The following TET1 variants were observed in gnomAD, a reference collection of about 807,000 sequenced individuals.
TET1 encodes tet methylcytosine dioxygenase 1.
Under a neutral mutation model 148.7 loss-of-function variants are expected in TET1, and 13 were observed. The observed-to-expected ratio is 0.09, with a 90% CI of 0.06 to 0.14. TET1 has a LOEUF of 0.14. Among genes scored for constraint, TET1 ranks in the 10% least tolerant of loss-of-function variants. TET1 has a pLI of 1.00. For synonymous variants in TET1, 907 were observed against 937.2 expected, an observed-to-expected ratio of 0.97 and a Z score of 0.59; for missense variants, 2,182 against 2,553.8, an observed-to-expected ratio of 0.85 and a Z score of 3.14.
chr10:68,624,102 T>TTTA (rs1351491386), intron 3 of TET1, among the ~76,000 whole-genome samples: 1 of 151,702 alleles, frequency 6.6e-6, no homozygotes, highest in Non-Finnish European at 1.5e-5. Context: ...TTTCTTTCTT[T>TTTA]TCTTTTTTTT....
intron 2 of TET1, among the ~76,000 whole-genome samples, chr10:68,589,662 ATTTTTTTTT>A (rs57278279): frequency 0.058 from 6,389 of 109,860 alleles, 186 homozygotes; most frequent in South Asian, 0.1. Flanking sequence ...AATATCTCCA[ATTTTTTTTT>A]TTTTTTTTTT....
In TET1 at chr10:68,694,430, C is replaced by T; in HGVS notation, c.*2616C>T. On this transcript the variant is annotated 3_prime_UTR_variant, in exon 12 of 12. Transcript: ENST00000373644. Reference sequence around the variant, plus strand: ...TGCTGGCTACACTGCTTTTAGAATGCTCTTTCTCATGAAGCAAGGAAATAA... The same window carrying T: ...TGCTGGCTACACTGCTTTTAGAATGTTCTTTCTCATGAAGCAAGGAAATAA... 1 of 232,182 alleles carries T rather than the reference C, an allele frequency of 4.3e-6. No individual in the cohort carries two copies. 14.4% of individuals were successfully genotyped at this position (232,182 alleles called of 1,614,324 possible).
At chr10:68,641,160 T>C (rs2054747266) in intron 3 of TET1, among the ~76,000 whole-genome samples, 1 of 151,880 alleles carries the variant, frequency 6.6e-6, no homozygotes, top group East Asian at 1.9e-4. Flanking sequence ...AAACAATGTG[T>C]CTTTTGGCAA....
At chr10:68,600,446 C>T (rs2054039777) in intron 2 of TET1, among the ~76,000 whole-genome samples, 1 of 152,156 alleles carries the variant, frequency 6.6e-6, no homozygotes, top group African/African-American at 2.4e-5. Context: ...TGCCTGTGTC[C>T]TGTGGTGAGA....
At chr10:68,690,384 G>T (rs1386289488) in intron 11 of TET1, among the ~76,000 whole-genome samples, 1 of 152,132 alleles carries the variant, frequency 6.6e-6, no homozygotes, top group Non-Finnish European at 1.5e-5. Flanking sequence ...GAGGTGGGTG[G>T]ATCATGAGGT....
intron 3 of TET1, among the ~76,000 whole-genome samples, chr10:68,607,366 G>A (rs565354468): frequency 6.6e-6 from 1 of 151,780 alleles, no homozygotes; most frequent in Admixed American, 6.6e-5. Flanking sequence ...CAGATGAAAA[G>A]AGCCAACTAA....
chr10:68,677,438 C>A (rs1238121693), intron 8 of TET1, among the ~76,000 whole-genome samples: 1 of 152,146 alleles, frequency 6.6e-6, no homozygotes, highest in African/African-American at 2.4e-5. Context: ...TGGTTAAATT[C>A]CCAAAGTGCT....
chr10:68,562,121 G>T (rs1466427651), intron 1 of TET1, among the ~76,000 whole-genome samples: 2 of 152,208 alleles, frequency 1.3e-5, no homozygotes, highest in Non-Finnish European at 2.9e-5. Context: ...CTGGGCCGGC[G>T]GGGTGAGCCG....
At chr10:68,676,259 TATATATA>T (rs1481191117) in intron 8 of TET1, among the ~76,000 whole-genome samples, 8 of 14,510 alleles carry the variant, frequency 5.5e-4, no homozygotes, top group African/African-American at 1.9e-3. Flanking sequence ...TATATATATA[TATATATA>T]TATTTTTTTT....
At chr10:68,577,740 G>T (rs991797226) in intron 2 of TET1, among the ~76,000 whole-genome samples, 28 of 152,124 alleles carry the variant, frequency 1.8e-4, no homozygotes, top group Admixed American at 1.8e-3. Context: ...ACCTGGAGGG[G>T]GGCGTTGCAG....
At chr10:68,563,418 C>G (rs2053575190) in intron 1 of TET1, among the ~76,000 whole-genome samples, 1 of 152,200 alleles carries the variant, frequency 6.6e-6, no homozygotes, top group South Asian at 2.1e-4. Context: ...TTTTTCTCTG[C>G]CAAGTGCAAG....
At chr10:68,632,261 G>T in intron 3 of TET1, 1 of 872,922 alleles carries the variant, frequency 1.1e-6, no homozygotes, top group Non-Finnish European at 1.7e-6. Context: ...GGCGGAGCTT[G>T]CAGTGAGCCG....
intron 2 of TET1, among the ~76,000 whole-genome samples, chr10:68,589,179 G>A (rs2053892123): frequency 6.6e-6 from 1 of 151,902 alleles, no homozygotes; most frequent in Non-Finnish European, 1.5e-5. Flanking sequence ...TCTGAATCAT[G>A]GTCTGGTAAT....
At position 68,644,868 on chromosome 10, in the gene TET1, CAA is replaced by C. The variant is rs1407599722; in HGVS notation, c.2140_2141del (p.Lys714GlufsTer6). Reference sequence around the variant, plus strand: ...TCGAGGTGGAGAAGTGGACACAAAACAAGAAATCACAGTTAACTGATCACGTG... The same window carrying C: ...TCGAGGTGGAGAAGTGGACACAAAACGAAATCACAGTTAACTGATCACGTG... ...GIEVEKWTQN[K>X]KSQLTDHVKG... On this transcript the variant is annotated frameshift_variant, in exon 4 of 12. Transcript: ENST00000373644. LOFTEE classifies it high-confidence loss of function. 1 of 1,613,454 alleles carries C rather than the reference CAA, an allele frequency of 6.2e-7. No homozygotes were observed. Among genetic ancestry groups the C allele is most frequent in the Non-Finnish European group, 8.5e-7 (1 of 1,179,766 alleles).
chr10:68,588,815 C>G (rs1012226688), intron 2 of TET1, among the ~76,000 whole-genome samples: 6 of 137,118 alleles, frequency 4.4e-5, no homozygotes. Flanking sequence ...TTAGTGAGAC[C>G]CTGTCTCAAA....
At chr10:68,566,334 G>A (rs991319784) in intron 1 of TET1, among the ~76,000 whole-genome samples, 1 of 152,118 alleles carries the variant, frequency 6.6e-6, no homozygotes, top group Non-Finnish European at 1.5e-5. Flanking sequence ...TTTTTGTAAT[G>A]AAAATGCATC....
intron 1 of TET1, among the ~76,000 whole-genome samples, chr10:68,572,011 G>C (rs941691562): frequency 4.6e-5 from 7 of 152,120 alleles, no homozygotes; most frequent in South Asian, 2.1e-4. Context: ...TAGCTACTTG[G>C]GGGGCTGAAG....
chr10:68,580,502 G>A (rs1373822695), intron 2 of TET1, among the ~76,000 whole-genome samples: 2 of 149,710 alleles, frequency 1.3e-5, no homozygotes, highest in Non-Finnish European at 3.0e-5. Flanking sequence ...GTAGAAGGCC[G>A]GGCACGGTGG....
intron 6 of TET1, 96 bp downstream of exon 6, chr10:68,652,690 A>T: frequency 2.4e-6 from 2 of 843,862 alleles, no homozygotes; most frequent in Non-Finnish European, 3.5e-6. Flanking sequence ...TATTTTATTT[A>T]TTCATTTATT....
Sources: allele counts gnomAD v4.1 joint callset (sites outside exome capture counted in the v4.1 genomes callset), GRCh38; gene constraint gnomAD v4.1.1; transcripts MANE v1.5; gene names NCBI Gene and HGNC (gene_info 2026-07-23, HGNC 2026-07-21).